Variants in ASIC1 observed in about 807,000 individuals in gnomAD.
ASIC1 encodes acid-sensing ion channel 1.
ASIC1 carries 21 observed loss-of-function variants against 63.4 expected under a neutral mutation model. The observed-to-expected ratio is 0.33, with a 90% CI of 0.23 to 0.48. The LOEUF (loss-of-function observed/expected upper bound fraction) is 0.48. ASIC1 is among the 20% of genes least tolerant of loss of function. The probability of loss-of-function intolerance (pLI) is 0.99; values close to 1 mark genes in which losing one functional copy is unlikely to be tolerated. For missense variants in ASIC1, 478 were observed against 695.5 expected, an observed-to-expected ratio of 0.69 and a Z score of 3.52; for synonymous variants, 258 against 278.2, an observed-to-expected ratio of 0.93 and a Z score of 0.72.
rs1047077021 is a variant in ASIC1, at chr12:50,059,790, G to A, written c.394G>A (p.Glu132Lys). The change falls in exon 3 of 12, where the codon GAA becomes AAA. Residue 132 changes from glutamate to lysine, a missense_variant. By Grantham distance (56) the Glu-to-Lys change is moderately conservative (BLOSUM62 1). Around this residue, in one of 3 missense-constraint regions of ASIC1, gnomAD observed 290 missense variants for 414.9 expected, o/e 0.70. Coordinates refer to ENST00000447966, the MANE Select transcript of ASIC1 (RefSeq NM_001095.4). The surrounding 1 kb of genome is among the most constrained non-coding windows in gnomAD (Gnocchi z 4.6). ...GATACCAGACACACAGATGGCAGAT[G>A]AAAAGCAGCTGGAGATACTGCAGGA... ...YEIPDTQMAD[E>K]KQLEILQDKA... 1.2e-6 allele frequency: 2 copies of A among 1,613,966 alleles called. No individual in the cohort carries two copies. Among genetic ancestry groups the A allele is most frequent in the Non-Finnish European group, 1.7e-6 (2 of 1,179,908 alleles).
At chr12:50,064,224 C>T (rs1019248096) in intron 3 of ASIC1, among the ~76,000 whole-genome samples, 1 of 151,918 alleles carries the variant, frequency 6.6e-6, no homozygotes, top group Non-Finnish European at 1.5e-5. Flanking sequence ...CCTGCCTTAT[C>T]CTTCTCATCT....
intron 4 of ASIC1, among the ~76,000 whole-genome samples, chr12:50,077,631 G>T (rs181113174): frequency 2.3e-4 from 35 of 151,694 alleles, no homozygotes; most frequent in African/African-American, 8.2e-4. Context: ...CTCTCTTCTC[G>T]GGCTGCCTGC....
In ASIC1 at chr12:50,078,284, T is replaced by C; in HGVS notation, c.838-137T>C. ...TGATCGAATGAACAAGAATGCTCTG[T>C]AAACTCTGAGACCTTTGGAGGCTGC... is the stretch of plus-strand genomic sequence containing the variant. On this transcript the variant is annotated intron_variant, in intron 5 of 11. Transcript: ENST00000447966. The surrounding 1 kb of genome is among the most constrained non-coding windows in gnomAD (Gnocchi z 6.0). The C allele has an allele frequency of 6.6e-7, 1 of 1,508,162 alleles. No homozygotes were observed. Among genetic ancestry groups the C allele is most frequent in the South Asian group, 1.3e-5 (1 of 77,302 alleles). 93.4% of individuals were successfully genotyped at this position (1,508,162 alleles called of 1,614,324 possible). A position where few individuals can be genotyped will look rare whatever the true frequency, so the allele number is the denominator to read the frequency against.
At chr12:50,079,838 C>T in intron 7 of ASIC1, 64 bp from the exon 8 acceptor site, 3 of 1,532,330 alleles carry the variant, frequency 2.0e-6, no homozygotes, top group Non-Finnish European at 2.6e-6. Context: ...CTAGGATGTG[C>T]ATGTGGGAAG....
chr12:50,073,677 G>A, intron 3 of ASIC1: 3 of 1,536,426 alleles, frequency 2.0e-6, no homozygotes, highest in Non-Finnish European at 2.6e-6. Flanking sequence ...ACCACCATCA[G>A]CAGCAGCAGG....
Position 50,081,139 on chromosome 12 carries a change from C to T in ASIC1, c.1335C>T (p.Ala445=), listed in dbSNP as rs761214919. 6.2e-7 allele frequency: 1 copy of T among 1,612,176 alleles called. No individual in the cohort carries two copies. ...GCCAGATGGGGCTGTTCATCGGGGC[C>T]AGCATCCTCACGGTGCTGGAGCTCT... ...IGGQMGLFIG[A]SILTVLELFD... is the part of the protein sequence containing the mutation. Residue 445 remains alanine, a synonymous_variant, in exon 10 of 12, where the codon GCC becomes GCT. Coordinates refer to ENST00000447966, the MANE Select transcript of ASIC1 (RefSeq NM_001095.4).
At chr12:50,064,906 G>A (rs1422343680) in intron 3 of ASIC1, among the ~76,000 whole-genome samples, 1 of 152,170 alleles carries the variant, frequency 6.6e-6, no homozygotes, top group Non-Finnish European at 1.5e-5. Context: ...GTCCTGCGCT[G>A]GGGCAGTTAA....
Position 50,059,323 on chromosome 12 carries a change from C to T in ASIC1, c.362+195C>T, listed in dbSNP as rs1165987823. ...CAGTTAAGGGCACCCAGCCTCCGAT[C>T]CCAGCATAGTCCAGAACAGCTCGAC... is the stretch of plus-strand genomic sequence containing the variant. On this transcript the variant is annotated intron_variant, in intron 2 of 11. Transcript: ENST00000447966. The surrounding 1 kb of genome is among the most constrained non-coding windows in gnomAD (Gnocchi z 4.6). 6.6e-6 allele frequency among the ~76,000 whole-genome samples: 1 copy of T among 152,084 alleles called. No homozygotes were observed. The highest frequency in any genetic ancestry group is 1.5e-5 in the Non-Finnish European group (1 of 68,000).
Position 50,078,494 on chromosome 12 carries a change from C to A in ASIC1, c.911C>A (p.Ser304Tyr), listed in dbSNP as rs1326096190. 1 of 1,614,132 alleles carries A rather than the reference C, an allele frequency of 6.2e-7. No homozygotes were observed. Among genetic ancestry groups the A allele is most frequent in the East Asian group, 2.2e-5 (1 of 44,874 alleles). ...GACTCGGATTTGGATTTCTTCGACTCCTACAGCATCACTGCCTGCCGCATC... is the reference window on the plus strand; with the variant it reads ...GACTCGGATTTGGATTTCTTCGACTACTACAGCATCACTGCCTGCCGCATC... ...TMDSDLDFFDSYSITACRIDC... is the reference protein window; with the variant it reads ...TMDSDLDFFDYYSITACRIDC... The change falls in exon 6 of 12, where the codon TCC becomes TAC. Residue 304 changes from serine to tyrosine, a missense_variant. By Grantham distance (144) the Ser-to-Tyr change is moderately radical (BLOSUM62 -2). This residue lies in a region of ASIC1 where 290 missense variants were observed against 414.9 expected (regional missense o/e 0.70). Transcript: ENST00000447966. The surrounding 1 kb of genome is among the most constrained non-coding windows in gnomAD (Gnocchi z 6.0).
intron 8 of ASIC1, 191 bp downstream of exon 8, chr12:50,080,246 C>T (rs1950701574): frequency 1.2e-6 from 1 of 834,678 alleles, no homozygotes; most frequent in South Asian, 1.8e-5. Flanking sequence ...GGAAGCACCC[C>T]TTTCTCCTCC....
intron 7 of ASIC1, among the ~76,000 whole-genome samples, chr12:50,079,461 C>T (rs1950692550): frequency 1.3e-5 from 2 of 151,968 alleles, no homozygotes; most frequent in African/African-American, 4.8e-5. Context: ...CTTCAGAGGC[C>T]CCTATGAAAA....
chr12:50,064,648 T>G (rs1055624619), intron 3 of ASIC1, among the ~76,000 whole-genome samples: 10 of 152,190 alleles, frequency 6.6e-5, no homozygotes, highest in African/African-American at 2.4e-4. Flanking sequence ...GGTGGAGAAC[T>G]CCTGGATATG....
chr12:50,073,626 A>C lies in ASIC1; in HGVS notation c.559-3587A>C, dbSNP rs1045283727. 4 of 1,535,724 alleles carry C rather than the reference A, an allele frequency of 2.6e-6. No homozygotes were observed. The African/African-American group carries it at 5.5e-5, about 21-fold the overall frequency. On this transcript the variant is annotated intron_variant, in intron 3 of 11. Transcript: ENST00000447966. ...TCTGCTCCATGTCATTCTCCTCTGG[A>C]GAGGAAGCCCCAGGGCCCTTGGGAG...
intron 3 of ASIC1, 81 bp downstream of exon 3, chr12:50,060,035 G>A (rs755388109): frequency 1.7e-5 from 26 of 1,506,760 alleles, no homozygotes; most frequent in African/African-American, 5.5e-5. Context: ...GGGCCTCTCC[G>A]GGTGCTTGCT....
rs1950722980 is a variant in ASIC1, at chr12:50,081,738, G to A, written c.*89G>A. ...GCTGCCTCCTCACATCTGCCCTGGGGACTCCCCACACTCCGGGGCAGATCT... is the reference window on the plus strand; with the variant it reads ...GCTGCCTCCTCACATCTGCCCTGGGAACTCCCCACACTCCGGGGCAGATCT... On this transcript the variant is annotated 3_prime_UTR_variant, in exon 12 of 12. Coordinates refer to ENST00000447966, the MANE Select transcript of ASIC1 (RefSeq NM_001095.4). 1 of 1,193,944 alleles carries A rather than the reference G, an allele frequency of 8.4e-7. No individual in the cohort carries two copies. The highest frequency in any genetic ancestry group is 1.2e-6 in the Non-Finnish European group (1 of 831,438). The allele number at this position is 1,193,944 out of a possible 1,614,324, so 74.0% of individuals were successfully genotyped here.
chr12:50,081,547 C>T lies in ASIC1; in HGVS notation c.1485C>T (p.Asn495=), dbSNP rs755772357. 8 of 1,613,154 alleles carry T rather than the reference C, an allele frequency of 5.0e-6. No homozygotes were observed. The highest frequency in any genetic ancestry group is 1.6e-4 in the Middle Eastern group (1 of 6,084). Residue 495 remains asparagine (N), a splice_region_variant and synonymous_variant, in exon 12 of 12, where the codon AAC becomes AAT. Transcript: ENST00000447966. ...CCTGTCCTGTCCCCTTCCCCCAGAA[C>T]CCGTGCGAGAGCCTTCGGGGCCACC... ...ALSLDDVKRH[N]PCESLRGHPA... is the part of the protein sequence containing the mutation.
chr12:50,061,883 T>C (rs979314030), intron 3 of ASIC1, among the ~76,000 whole-genome samples: 1 of 152,152 alleles, frequency 6.6e-6, no homozygotes, highest in Non-Finnish European at 1.5e-5. Context: ...TGTGATTGGC[T>C]CACAAAGTTC....
Position 50,059,272 on chromosome 12 carries a change from G to A in ASIC1, c.362+144G>A, listed in dbSNP as rs1228558384. 1 of 1,254,034 alleles carries A rather than the reference G, an allele frequency of 8.0e-7. No individual in the cohort carries two copies. Among genetic ancestry groups the A allele is most frequent in the South Asian group, 1.5e-5 (1 of 67,706 alleles). 77.7% of individuals were successfully genotyped at this position (1,254,034 alleles called of 1,614,324 possible). On this transcript the variant is annotated intron_variant, in intron 2 of 11. Coordinates refer to ENST00000447966, the MANE Select transcript of ASIC1 (RefSeq NM_001095.4). The surrounding 1 kb of genome is among the most constrained non-coding windows in gnomAD (Gnocchi z 4.6). ...ACCCCCAAACCTGCCACTCACAGCA[G>A]AGGAGTTAGGGTGCTGCTGAGCACC...
intron 9 of ASIC1, 138 bp downstream of exon 9, chr12:50,080,727 G>C (rs1356188452): frequency 6.2e-7 from 1 of 1,611,418 alleles, no homozygotes; most frequent in South Asian, 1.1e-5. Context: ...CTGTTGTCTT[G>C]GTAAGTGGTG....
Sources: allele counts gnomAD v4.1 joint callset (sites outside exome capture counted in the v4.1 genomes callset), GRCh38; gene constraint gnomAD v4.1.1; regional missense constraint gnomAD v4.1.1; non-coding constraint Gnocchi (gnomAD v3.1); transcripts MANE v1.5; gene names NCBI Gene and HGNC (gene_info 2026-07-23, HGNC 2026-07-21).